ZBED4: variants seen among roughly 807,000 people sequenced by gnomAD.
ZBED4 encodes the protein zinc finger BED domain-containing protein 4.
In ZBED4, 4 loss-of-function variants were observed where a neutral mutation model predicts 15.5. The observed-to-expected ratio is 0.26, with a 90% CI of 0.13 to 0.59. The LOEUF (loss-of-function observed/expected upper bound fraction) is 0.59. ZBED4 is among the 20% of genes least tolerant of loss of function. The pLI is 0.90. For missense variants in ZBED4, 1,323 were observed against 1,461.8 expected, an observed-to-expected ratio of 0.91 and a Z score of 1.55; for synonymous variants, 692 against 608.5, an observed-to-expected ratio of 1.14 and a Z score of -2.02.
intron 1 of ZBED4, among the ~76,000 whole-genome samples, chr22:49,879,437 AT>A (rs889972457): frequency 6.6e-6 from 1 of 151,518 alleles, no homozygotes; most frequent in South Asian, 2.1e-4. Context: ...TAATTTTTGT[AT>A]TTTTTTGCAG....
intron 1 of ZBED4, among the ~76,000 whole-genome samples, chr22:49,871,102 G>A (rs2060345087): frequency 6.6e-6 from 1 of 151,942 alleles, no homozygotes; most frequent in South Asian, 2.1e-4. Flanking sequence ...CACAATGCCT[G>A]GCTAATATAT....
At chr22:49,866,694 C>G (rs1414965671) in intron 1 of ZBED4, among the ~76,000 whole-genome samples, 1 of 152,152 alleles carries the variant, frequency 6.6e-6, no homozygotes, top group East Asian at 1.9e-4. Context: ...TTTTTCTGCT[C>G]TTTAGTTTTT....
chr22:49,877,838 C>G (rs1008017597), intron 1 of ZBED4, among the ~76,000 whole-genome samples: 18 of 152,278 alleles, frequency 1.2e-4, no homozygotes, highest in African/African-American at 4.3e-4. Flanking sequence ...CAGCACAGAC[C>G]TGCCCTTTGG....
In ZBED4 at chr22:49,887,371, T is replaced by A. The variant is rs779392478; in HGVS notation, c.*193T>A. 2.0e-6 allele frequency: 1 copy of A among 505,888 alleles called. No homozygotes were observed. The highest frequency in any genetic ancestry group is 3.0e-5 in the East Asian group (1 of 33,674). The allele number at this position is 505,888 out of a possible 1,614,324, so 31.3% of individuals were successfully genotyped here. A position where few individuals can be genotyped will look rare whatever the true frequency, so the allele number is the denominator to read the frequency against. ...TTCAGGCCAAGTTTCGCGGGGTGTT[T>A]TATTAAGACGTCCACTAGAAATAGC... On this transcript the variant is annotated 3_prime_UTR_variant, in exon 2 of 2. Transcript: ENST00000216268.
At position 49,886,840 on chromosome 22, in the gene ZBED4, G is replaced by A. The variant is rs745953959; in HGVS notation, c.3178G>A (p.Ala1060Thr). ...TGGCTCCCCGTCGAAAGACTCTGCC[G>A]CAGAGGAGAACCTGTGGTCACTTGT... ...DAGSPSKDSA[A>T]EENLWSLVAK... Residue 1060 changes from alanine (A) to threonine (T), a missense_variant, in exon 2 of 2, where the codon GCA becomes ACA. Physicochemically the swap from Ala to Thr is moderately conservative, Grantham distance 58. Coordinates refer to ENST00000216268, the MANE Select transcript of ZBED4 (RefSeq NM_014838.3). The surrounding 1 kb of genome is among the most constrained non-coding windows in gnomAD (Gnocchi z 7.7). 41 of 1,613,788 alleles carry A rather than the reference G, an allele frequency of 2.5e-5. No individual in the cohort carries two copies. Among genetic ancestry groups the A allele is most frequent in the East Asian group, 4.5e-5 (2 of 44,874 alleles).
Position 49,887,374 on chromosome 22 carries a change from T to C in ZBED4, c.*196T>C. The C allele has an allele frequency of 4.0e-6, 2 of 498,394 alleles. No individual in the cohort carries two copies. The highest frequency in any genetic ancestry group is 7.2e-6 in the Non-Finnish European group (2 of 276,002). 30.9% of individuals were successfully genotyped at this position (498,394 alleles called of 1,614,324 possible). On this transcript the variant is annotated 3_prime_UTR_variant, in exon 2 of 2. Transcript: ENST00000216268. ...AGGCCAAGTTTCGCGGGGTGTTTTA[T>C]TAAGACGTCCACTAGAAATAGCTTG...
In ZBED4 at chr22:49,886,998, G is replaced by T. The variant is rs146642192; in HGVS notation, c.3336G>T (p.Pro1112=). 1 of 1,614,056 alleles carries T rather than the reference G, an allele frequency of 6.2e-7. No individual in the cohort carries two copies. The highest frequency in any genetic ancestry group is 1.1e-5 in the South Asian group (1 of 91,076). The part of the protein sequence containing the change: ...TYWNLKKASW[P]GLSALAVRFL... ...GGAACCTGAAGAAGGCGTCCTGGCC[G>T]GGGCTGTCCGCGCTGGCCGTCAGAT... Residue 1112 remains proline (P), a synonymous_variant, in exon 2 of 2, where the codon CCG becomes CCT. Coordinates refer to ENST00000216268, the MANE Select transcript of ZBED4 (RefSeq NM_014838.3). The surrounding 1 kb of genome is among the most constrained non-coding windows in gnomAD (Gnocchi z 7.7).
intron 1 of ZBED4, among the ~76,000 whole-genome samples, chr22:49,878,967 AC>A (rs1350864539): frequency 6.6e-6 from 1 of 151,564 alleles, no homozygotes; most frequent in Non-Finnish European, 1.5e-5. Flanking sequence ...ACATGGTGAA[AC>A]CCCGTCTCTA....
chr22:49,858,632 G>A (rs2060284781), intron 1 of ZBED4, among the ~76,000 whole-genome samples: 1 of 152,136 alleles, frequency 6.6e-6, no homozygotes, highest in African/African-American at 2.4e-5. Context: ...GCAGATATCT[G>A]GACACTTCTC....
At chr22:49,872,888 A>G (rs1237889353) in intron 1 of ZBED4, among the ~76,000 whole-genome samples, 2 of 152,064 alleles carry the variant, frequency 1.3e-5, no homozygotes, top group African/African-American at 2.4e-5. Context: ...TAGTAGAGAC[A>G]GGTTTCACCA....
At chr22:49,860,370 A>G (rs1391442441) in intron 1 of ZBED4, among the ~76,000 whole-genome samples, 1 of 152,214 alleles carries the variant, frequency 6.6e-6, no homozygotes, top group African/African-American at 2.4e-5. Flanking sequence ...CTTAAATTAT[A>G]TGTTATTCTG....
At chr22:49,867,290 A>G (rs939852175) in intron 1 of ZBED4, among the ~76,000 whole-genome samples, 6 of 152,190 alleles carry the variant, frequency 3.9e-5, no homozygotes, top group Non-Finnish European at 8.8e-5. Context: ...GAAATGCCCA[A>G]CGCGTATGTT....
intron 1 of ZBED4, among the ~76,000 whole-genome samples, chr22:49,881,766 C>T (rs950431898): frequency 1.5e-4 from 23 of 152,274 alleles, no homozygotes; most frequent in African/African-American, 4.8e-4. Context: ...CTTGTGGTTT[C>T]AAGCGATCCT....
intron 1 of ZBED4, among the ~76,000 whole-genome samples, chr22:49,883,121 T>A (rs2060417772): frequency 6.6e-6 from 1 of 152,020 alleles, no homozygotes; most frequent in South Asian, 2.1e-4. Flanking sequence ...GCCACTTGCA[T>A]TTTTTTTCAT....
In ZBED4 at chr22:49,885,403, C is replaced by T; in HGVS notation, c.1741C>T (p.His581Tyr). The T allele has an allele frequency of 6.2e-7, 1 of 1,604,228 alleles. No homozygotes were observed. Among genetic ancestry groups the T allele is most frequent in the Non-Finnish European group, 8.5e-7 (1 of 1,172,630 alleles). ...AGACTCCACAAAAGTCGTGTGCTTG[C>T]ACTGTGGCCGGACCATCAGCCGGGG... The part of the protein sequence containing the change: ...SADSTKVVCL[H>Y]CGRTISRGKK... The change falls in exon 2 of 2, where the codon CAC (histidine) becomes TAC (tyrosine). Residue 581 changes from histidine (H) to tyrosine (Y), a missense_variant. This residue lies in a region of ZBED4 where 429 missense variants were observed against 397.9 expected (regional missense o/e 1.08). Coordinates refer to ENST00000216268, the MANE Select transcript of ZBED4 (RefSeq NM_014838.3).
Position 49,888,968 on chromosome 22 carries a change from G to T in ZBED4, c.*1790G>T, listed in dbSNP as rs1381136434. On this transcript the variant is annotated 3_prime_UTR_variant, in exon 2 of 2. Transcript: ENST00000216268. ...GTGCTCACGACCAGCTTGCAGTCCTGTGTTTCTTAAGATTGTATTTGGAAT... is the reference window on the plus strand; with the variant it reads ...GTGCTCACGACCAGCTTGCAGTCCTTTGTTTCTTAAGATTGTATTTGGAAT... 1 of 167,250 alleles carries T rather than the reference G, an allele frequency of 6.0e-6. No individual in the cohort carries two copies. The highest frequency in any genetic ancestry group is 1.5e-5 in the Non-Finnish European group (1 of 68,138). 10.4% of individuals were successfully genotyped at this position (167,250 alleles called of 1,614,324 possible). A position where few individuals can be genotyped will look rare whatever the true frequency, so the allele number is the denominator to read the frequency against.
At chr22:49,876,691 T>A (rs1449925215) in intron 1 of ZBED4, among the ~76,000 whole-genome samples, 1 of 152,222 alleles carries the variant, frequency 6.6e-6, no homozygotes, top group East Asian at 1.9e-4. Flanking sequence ...AGCTGCAGCG[T>A]TTACCCCGAG....
chr22:49,882,675 A>G (rs2060415555), intron 1 of ZBED4, among the ~76,000 whole-genome samples: 1 of 152,148 alleles, frequency 6.6e-6, no homozygotes, highest in Non-Finnish European at 1.5e-5. Context: ...AGCGTTTACC[A>G]TAGCTGGAAT....
intron 1 of ZBED4, among the ~76,000 whole-genome samples, chr22:49,873,113 G>C (rs2060356722): frequency 6.6e-6 from 1 of 152,230 alleles, no homozygotes; most frequent in Non-Finnish European, 1.5e-5. Flanking sequence ...TTACAGACAT[G>C]AGCCACTACA....
Sources: allele counts gnomAD v4.1 joint callset (sites outside exome capture counted in the v4.1 genomes callset), GRCh38; gene constraint gnomAD v4.1.1; regional missense constraint gnomAD v4.1.1; non-coding constraint Gnocchi (gnomAD v3.1); transcripts MANE v1.5; gene names NCBI Gene and HGNC (gene_info 2026-07-23, HGNC 2026-07-21).